Variants in MOB3B observed in about 807,000 individuals in gnomAD.
The protein encoded by MOB3B is MOB kinase activator 3B.
MOB3B carries 7 observed loss-of-function variants against 18.7 expected under a neutral mutation model. The observed-to-expected ratio is 0.37, with a 90% CI of 0.21 to 0.70. The LOEUF (loss-of-function observed/expected upper bound fraction) is 0.70, where lower values mean the gene tolerates loss of function less well. Ranked by LOEUF, MOB3B falls within the 30% of genes least tolerant of loss-of-function variation. The probability of loss-of-function intolerance (pLI) is 0.52; values close to 1 mark genes in which losing one functional copy is unlikely to be tolerated. For missense variants in MOB3B, 253 were observed against 281.3 expected, an observed-to-expected ratio of 0.90 and a Z score of 0.72; for synonymous variants, 111 against 99.9, an observed-to-expected ratio of 1.11 and a Z score of -0.66.
chr9:27,427,434 T>C (rs939492624), intron 2 of MOB3B, among the ~76,000 whole-genome samples: 5 of 152,236 alleles, frequency 3.3e-5, no homozygotes, highest in Middle Eastern at 3.2e-3. Flanking sequence ...GAGAGATGTC[T>C]GCAAGGACAA....
intron 2 of MOB3B, among the ~76,000 whole-genome samples, chr9:27,421,903 T>C (rs12685430): frequency 0.36 from 55,219 of 151,978 alleles, 10,275 homozygotes; most frequent in African/African-American, 0.39. Flanking sequence ...CTTTTCTTCA[T>C]AGCACTTATC....
At chr9:27,474,021 C>T (rs1819514438) in intron 1 of MOB3B, among the ~76,000 whole-genome samples, 1 of 152,138 alleles carries the variant, frequency 6.6e-6, no homozygotes, top group Admixed American at 6.5e-5. Context: ...ATGCTGGTAC[C>T]CTGATATTGG....
chr9:27,444,226 A>AGGAGGGAGGGAG (rs1346405715), intron 2 of MOB3B, among the ~76,000 whole-genome samples: 1 of 105,360 alleles, frequency 9.5e-6, no homozygotes, highest in African/African-American at 4.0e-5. Flanking sequence ...AGAAAAAGAA[A>AGGAGGGAGGGAG]GGAGGGAGGG....
intron 2 of MOB3B, among the ~76,000 whole-genome samples, chr9:27,414,640 C>T (rs1238751519): frequency 6.6e-6 from 1 of 152,184 alleles, no homozygotes; most frequent in Non-Finnish European, 1.5e-5. Flanking sequence ...GAACCAGTTA[C>T]ACGTGGTGCA....
At chr9:27,431,744 G>A (rs1822421037) in intron 2 of MOB3B, among the ~76,000 whole-genome samples, 1 of 152,210 alleles carries the variant, frequency 6.6e-6, no homozygotes, top group Non-Finnish European at 1.5e-5. Context: ...GCAAAACACT[G>A]GAGGCAGTCC....
chr9:27,426,521 G>A (rs991248659), intron 2 of MOB3B, among the ~76,000 whole-genome samples: 6 of 152,124 alleles, frequency 3.9e-5, no homozygotes, highest in African/African-American at 1.4e-4. Flanking sequence ...TCTTTTGTTT[G>A]GGCACACAAT....
At chr9:27,447,211 G>A (rs1397445166) in intron 2 of MOB3B, among the ~76,000 whole-genome samples, 2 of 152,102 alleles carry the variant, frequency 1.3e-5, no homozygotes, top group African/African-American at 2.4e-5. Flanking sequence ...TAGAGGCAAG[G>A]CAGGGCACTG....
chr9:27,366,199 G>C (rs559867674), intron 2 of MOB3B, among the ~76,000 whole-genome samples: 21 of 152,158 alleles, frequency 1.4e-4, no homozygotes, highest in Non-Finnish European at 2.6e-4. Context: ...GCCCTGCTGA[G>C]TTTATGAATG....
intron 1 of MOB3B, among the ~76,000 whole-genome samples, chr9:27,513,368 T>C (rs1795715665): frequency 6.6e-6 from 1 of 152,088 alleles, no homozygotes; most frequent in Non-Finnish European, 1.5e-5. Context: ...TAGCCCCTTC[T>C]CCAAACTGTA....
chr9:27,330,501 A>T lies in MOB3B; in HGVS notation c.*86T>A. The T allele has an allele frequency of 6.3e-7, 1 of 1,585,904 alleles. No individual in the cohort carries two copies. Among genetic ancestry groups the T allele is most frequent in the South Asian group, 1.1e-5 (1 of 87,184 alleles). On this transcript the variant is annotated 3_prime_UTR_variant, in exon 4 of 4. Transcript: ENST00000262244. ...TGCTGTTCCTGGGAGTAGGTGTGTCATTTCAGCCAGGGTGGTCCACCTCCT... is the reference window on the plus strand; with the variant it reads ...TGCTGTTCCTGGGAGTAGGTGTGTCTTTTCAGCCAGGGTGGTCCACCTCCT...
chr9:27,427,466 C>A lies in MOB3B; in HGVS notation c.418+27667G>T, dbSNP rs553368274. ...ACAAGGAAAAGCTTTTCATATGCAG[C>A]CACCTCTCTGCTCCAGTTACTCTAG... On this transcript the variant is annotated intron_variant, in intron 2 of 3. Transcript: ENST00000262244. 1.4e-4 allele frequency among the ~76,000 whole-genome samples: 22 copies of A among 152,342 alleles called. 1 individual carries two copies. The South Asian group carries it at 4.6e-3, about 32-fold the overall frequency.
chr9:27,360,415 G>A (rs931950403), intron 2 of MOB3B, among the ~76,000 whole-genome samples: 4 of 152,228 alleles, frequency 2.6e-5, no homozygotes, highest in African/African-American at 9.6e-5. Flanking sequence ...TGAGCCAGGG[G>A]AATTGCTTGA....
intron 1 of MOB3B, among the ~76,000 whole-genome samples, chr9:27,459,202 G>A (rs1819240255): frequency 6.6e-6 from 1 of 152,176 alleles, no homozygotes; most frequent in Admixed American, 6.5e-5. Context: ...TACTTTCCCA[G>A]CCCAGAGCCC....
At chr9:27,458,683 A>T (rs10118681) in intron 1 of MOB3B, among the ~76,000 whole-genome samples, 46,248 of 148,550 alleles carry the variant, frequency 0.31, 7,984 homozygotes, top group African/African-American at 0.47. Flanking sequence ...TCTAAGTACC[A>T]GGGACCGTAG....
intron 1 of MOB3B, among the ~76,000 whole-genome samples, chr9:27,511,128 C>T (rs917802875): frequency 2.0e-5 from 3 of 151,778 alleles, no homozygotes; most frequent in Admixed American, 1.3e-4. Context: ...TTGTCAGAAG[C>T]CAGGAATCTT....
At chr9:27,336,794 C>T (rs1820870607) in intron 3 of MOB3B, among the ~76,000 whole-genome samples, 1 of 152,082 alleles carries the variant, frequency 6.6e-6, no homozygotes, top group Non-Finnish European at 1.5e-5. Flanking sequence ...GCGTACACAC[C>T]CCTGAAGTAA....
Position 27,522,420 on chromosome 9 carries a change from C to CATATATAT in MOB3B, c.-199+7127_-199+7134dup, listed in dbSNP as rs66472709. Among the ~76,000 whole-genome samples the CATATATAT allele has an allele frequency of 4.3e-3, 604 of 141,328 alleles. 1 individual carries two copies. Among genetic ancestry groups the CATATATAT allele is most frequent in the African/African-American group, 0.015 (582 of 37,552 alleles). The allele number at this position is 141,328 out of a possible 152,430, so 92.7% of individuals were successfully genotyped here. On this transcript the variant is annotated intron_variant, in intron 1 of 3. Coordinates refer to ENST00000262244, the MANE Select transcript of MOB3B (RefSeq NM_024761.5). Reference sequence around the variant, plus strand: ...TTGCATATATATCAAGACATTTTTTCATATATATATATATATATATATATA... The same window carrying CATATATAT: ...TTGCATATATATCAAGACATTTTTTCATATATATATATATATATATATATATATATATA...
intron 2 of MOB3B, among the ~76,000 whole-genome samples, chr9:27,407,376 T>C (rs1821998340): frequency 6.6e-6 from 1 of 152,212 alleles, no homozygotes; most frequent in South Asian, 2.1e-4. Context: ...ATGGGTTTTA[T>C]TTAGTTATAA....
intron 2 of MOB3B, among the ~76,000 whole-genome samples, chr9:27,416,708 G>A (rs1822155311): frequency 7.1e-6 from 1 of 140,058 alleles, no homozygotes; most frequent in Non-Finnish European, 1.6e-5. Context: ...CAATTTTTAA[G>A]TTTTTTTTGT....
Sources: gnomAD v4.1 joint callset for allele counts (sites outside exome capture counted in the v4.1 genomes callset) on GRCh38, gnomAD v4.1.1 for gene constraint, MANE v1.5 for transcripts, NCBI Gene and HGNC (gene_info 2026-07-23, HGNC 2026-07-21) for gene names.